EPB41L5: variants seen among roughly 807,000 people sequenced by gnomAD.
The protein encoded by EPB41L5 is band 4.1-like protein 5.
EPB41L5 carries 55 observed loss-of-function variants against 106.6 expected under a neutral mutation model. That is an observed-to-expected ratio of 0.52 (90% CI 0.42 to 0.65). The LOEUF is 0.65. EPB41L5 is among the 30% of genes least tolerant of loss of function. The pLI, the probability that EPB41L5 is intolerant of heterozygous loss-of-function variation, is 0.00. For synonymous variants in EPB41L5, 297 were observed against 306.7 expected, an observed-to-expected ratio of 0.97 and a Z score of 0.33; for missense variants, 871 against 882.1, an observed-to-expected ratio of 0.99 and a Z score of 0.16.
In EPB41L5 at chr2:120,177,074, G is replaced by C. The variant is rs1228544916; in HGVS notation, c.*2167G>C. 6.6e-6 allele frequency: 1 copy of C among 152,242 alleles called. No individual in the cohort carries two copies. The highest frequency in any genetic ancestry group is 1.5e-5 in the Non-Finnish European group (1 of 68,072). The allele number at this position is 152,242 out of a possible 1,614,324, so 9.4% of individuals were successfully genotyped here. On this transcript the variant is annotated 3_prime_UTR_variant, in exon 25 of 25. Coordinates refer to ENST00000263713, the MANE Select transcript of EPB41L5 (RefSeq NM_020909.4). The stretch of plus-strand genomic sequence containing the variant: ...GAATTGGCCCCGACAGATTAAATGC[G>C]TGTTGGGGATTGGTTTCCTGTCATA...
intron 3 of EPB41L5, among the ~76,000 whole-genome samples, chr2:120,058,254 G>A (rs1356812176): frequency 6.6e-6 from 1 of 152,064 alleles, no homozygotes; most frequent in Non-Finnish European, 1.5e-5. Flanking sequence ...GGCATGATCA[G>A]AGCTCACTGT....
In EPB41L5 at chr2:120,175,767, G is replaced by T. The variant is rs909907512; in HGVS notation, c.*860G>T. 1 of 152,006 alleles carries T rather than the reference G, an allele frequency of 6.6e-6. No individual in the cohort carries two copies. The highest frequency in any genetic ancestry group is 2.4e-5 in the African/African-American group (1 of 41,376). The allele number at this position is 152,006 out of a possible 1,614,324, so 9.4% of individuals were successfully genotyped here. A position where few individuals can be genotyped will look rare whatever the true frequency, so the allele number is the denominator to read the frequency against. On this transcript the variant is annotated 3_prime_UTR_variant, in exon 25 of 25. Coordinates refer to ENST00000263713, the MANE Select transcript of EPB41L5 (RefSeq NM_020909.4). ...GCTGCTGTAGTCTCAGGTAATGAAGGCACAGCACAGCAGTACTCCACATTG... is the reference window on the plus strand; with the variant it reads ...GCTGCTGTAGTCTCAGGTAATGAAGTCACAGCACAGCAGTACTCCACATTG...
intron 20 of EPB41L5, among the ~76,000 whole-genome samples, chr2:120,146,836 G>A (rs1035721536): frequency 1.3e-5 from 2 of 152,156 alleles, no homozygotes; most frequent in Non-Finnish European, 2.9e-5. Context: ...GTTAAAAAAT[G>A]TTGAGCAAAT....
At chr2:120,083,085 T>G (rs1467314209) in intron 10 of EPB41L5, among the ~76,000 whole-genome samples, 5 of 152,178 alleles carry the variant, frequency 3.3e-5, no homozygotes, top group Non-Finnish European at 7.3e-5. Context: ...TTTGAAGGGT[T>G]TTTTGTGTCT....
At chr2:120,047,018 A>AT (rs961740211) in intron 3 of EPB41L5, among the ~76,000 whole-genome samples, 1 of 151,278 alleles carries the variant, frequency 6.6e-6, no homozygotes, top group Non-Finnish European at 1.5e-5. Flanking sequence ...CCATTGGTCT[A>AT]TGTCTCTGTT....
chr2:120,097,377 T>C (rs142539568), intron 14 of EPB41L5, among the ~76,000 whole-genome samples: 246 of 152,336 alleles, frequency 1.6e-3, no homozygotes, highest in Non-Finnish European at 3.1e-3. Context: ...TATTGAACCA[T>C]GGAAAACAGT....
intron 18 of EPB41L5, among the ~76,000 whole-genome samples, chr2:120,139,150 A>G (rs899583675): frequency 2.6e-5 from 4 of 151,602 alleles, no homozygotes; most frequent in South Asian, 4.2e-4. Flanking sequence ...TGAAACTTCT[A>G]TCTCTGCCAT....
intron 4 of EPB41L5, among the ~76,000 whole-genome samples, chr2:120,073,744 G>C (rs539273080): frequency 1.3e-5 from 2 of 152,128 alleles, no homozygotes; most frequent in Non-Finnish European, 2.9e-5. Context: ...TGAACTTGCT[G>C]AATTGTATTT....
At chr2:120,079,100 C>G (rs565122907) in intron 10 of EPB41L5, among the ~76,000 whole-genome samples, 1 of 152,238 alleles carries the variant, frequency 6.6e-6, no homozygotes, top group South Asian at 2.1e-4. Flanking sequence ...CAGATTTTGT[C>G]TGGTATTCTA....
At chr2:120,167,784 C>T in intron 23 of EPB41L5, 93 bp from the exon 24 acceptor site, 1 of 1,452,672 alleles carries the variant, frequency 6.9e-7, no homozygotes, top group Non-Finnish European at 9.6e-7. Flanking sequence ...CTTCGTTAAT[C>T]TCATAGTCAT....
chr2:120,042,995 ATG>A (rs60253351), intron 3 of EPB41L5, among the ~76,000 whole-genome samples: 891 of 70,072 alleles, frequency 0.013, 10 homozygotes, highest in African/African-American at 0.027. Flanking sequence ...TTTTCTGGAA[ATG>A]TGTGTGTGTG....
At chr2:120,052,258 T>G (rs1211117273) in intron 3 of EPB41L5, among the ~76,000 whole-genome samples, 4 of 152,220 alleles carry the variant, frequency 2.6e-5, no homozygotes, top group African/African-American at 9.6e-5. Flanking sequence ...ATATCGTCCC[T>G]CAATTTGGGT....
intron 21 of EPB41L5, 41 bp from the exon 22 acceptor site, chr2:120,164,795 A>G (rs1208285078): frequency 7.0e-7 from 1 of 1,427,396 alleles, no homozygotes; most frequent in Non-Finnish European, 9.8e-7. Context: ...ATCTGATGAT[A>G]AAGGGGTCAT....
At chr2:120,150,432 C>T (rs1157228485) in intron 20 of EPB41L5, among the ~76,000 whole-genome samples, 3 of 152,138 alleles carry the variant, frequency 2.0e-5, no homozygotes, top group Non-Finnish European at 4.4e-5. Context: ...AGTGATCCTC[C>T]TGCCTCAGCC....
chr2:120,168,283 TGTTTC>T (rs1172971152), intron 24 of EPB41L5, among the ~76,000 whole-genome samples: 3 of 152,216 alleles, frequency 2.0e-5, no homozygotes, highest in African/African-American at 7.2e-5. Flanking sequence ...CAATTTGTAT[TGTTTC>T]CCTTTACGCT....
chr2:120,030,719 A>G (rs1255746732), intron 2 of EPB41L5, among the ~76,000 whole-genome samples: 1 of 149,494 alleles, frequency 6.7e-6, no homozygotes, highest in African/African-American at 2.5e-5. Flanking sequence ...ATGCCCGGCT[A>G]ATTTTTGTGT....
chr2:120,089,835 T>G (rs981000377), intron 11 of EPB41L5, among the ~76,000 whole-genome samples: 11 of 152,150 alleles, frequency 7.2e-5, no homozygotes, highest in African/African-American at 2.7e-4. Context: ...TTTGTGATTT[T>G]GGGCTTAATT....
At chr2:120,093,341 A>G in intron 14 of EPB41L5, 65 bp downstream of exon 14, 1 of 1,336,490 alleles carries the variant, frequency 7.5e-7, no homozygotes, top group Non-Finnish European at 1.1e-6. Context: ...TGCTATCATT[A>G]AACAAATATT....
At chr2:120,152,769 A>G (rs995501606) in intron 20 of EPB41L5, among the ~76,000 whole-genome samples, 4 of 152,182 alleles carry the variant, frequency 2.6e-5, no homozygotes, top group African/African-American at 7.2e-5. Context: ...TACTGATTCA[A>G]TCTCTTTACT....
Sources: allele counts gnomAD v4.1 joint callset (sites outside exome capture counted in the v4.1 genomes callset), GRCh38; gene constraint gnomAD v4.1.1; transcripts MANE v1.5; gene names NCBI Gene and HGNC (gene_info 2026-07-23, HGNC 2026-07-21).